KAZN: variants seen among roughly 807,000 people sequenced by gnomAD.
KAZN encodes the protein kazrin, periplakin interacting protein, also known as kazrin.
KAZN carries 40 observed loss-of-function variants against 87.4 expected under a neutral mutation model. The observed-to-expected ratio is 0.46, with a 90% CI of 0.36 to 0.60. The LOEUF (loss-of-function observed/expected upper bound fraction) is 0.60. Among genes scored for constraint, KAZN ranks in the 20% least tolerant of loss-of-function variants. KAZN has a pLI of 0.00. For synonymous variants in KAZN, 466 were observed against 458.3 expected, an observed-to-expected ratio of 1.02 and a Z score of -0.22; for missense variants, 898 against 1,073.9, an observed-to-expected ratio of 0.84 and a Z score of 2.29.
intron 4 of KAZN, among the ~76,000 whole-genome samples, chr1:15,053,928 C>G (rs1286571061): frequency 6.6e-6 from 1 of 152,210 alleles, no homozygotes; most frequent in African/African-American, 2.4e-5. Context: ...ATTTCACAGA[C>G]TTCTAGGATG....
At chr1:14,219,055 C>T (rs1018428152) in intron 2 of KAZN, among the ~76,000 whole-genome samples, 3 of 151,936 alleles carry the variant, frequency 2.0e-5, no homozygotes, top group African/African-American at 7.3e-5. Flanking sequence ...TCAGCAAAAT[C>T]CAGATAGTAA....
chr1:13,978,103 G>C (rs980804230), intron 1 of KAZN, among the ~76,000 whole-genome samples: 1 of 147,374 alleles, frequency 6.8e-6, no homozygotes, highest in South Asian at 2.2e-4. Flanking sequence ...ACTCCAGCCC[G>C]GGTGACAGAG....
chr1:14,385,421 AT>A (rs1226122824), intron 2 of KAZN, among the ~76,000 whole-genome samples: 1 of 151,628 alleles, frequency 6.6e-6, no homozygotes, highest in African/African-American at 2.4e-5. Context: ...TCAATTTTGG[AT>A]CTTTCCTGCT....
intron 1 of KAZN, among the ~76,000 whole-genome samples, chr1:14,147,299 G>T (rs182155697): frequency 6.0e-4 from 91 of 152,272 alleles, no homozygotes; most frequent in African/African-American, 2.0e-3. Context: ...TGTTGTTCAA[G>T]GGTCAACTGT....
intron 2 of KAZN, among the ~76,000 whole-genome samples, chr1:14,592,224 G>T (rs1419546730): frequency 6.6e-6 from 1 of 152,220 alleles, no homozygotes; most frequent in East Asian, 1.9e-4. Context: ...CTCCGTCTGT[G>T]GAGAGGGAGG....
intron 1 of KAZN, among the ~76,000 whole-genome samples, chr1:14,050,897 A>G (rs726595): frequency 0.56 from 84,856 of 152,096 alleles, 23,980 homozygotes; most frequent in East Asian, 0.7. Context: ...AAAATCCATA[A>G]CATGTATTAT....
intron 1 of KAZN, among the ~76,000 whole-genome samples, chr1:14,945,692 C>T (rs1661682962): frequency 1.3e-5 from 2 of 152,224 alleles, no homozygotes; most frequent in South Asian, 4.1e-4. Context: ...GTATGCAAAG[C>T]ATATTTTATT....
At chr1:15,019,902 T>A (rs563676312) in intron 2 of KAZN, among the ~76,000 whole-genome samples, 1 of 152,314 alleles carries the variant, frequency 6.6e-6, no homozygotes, top group African/African-American at 2.4e-5. Flanking sequence ...CCACCTTTCA[T>A]CATGCCAAGT....
At chr1:15,050,083 C>G (rs12757155) in intron 4 of KAZN, among the ~76,000 whole-genome samples, 8,664 of 88,706 alleles carry the variant, frequency 0.098, 438 homozygotes, top group African/African-American at 0.21. Flanking sequence ...GAGTAGAGTA[C>G]AGTAGAGTAC....
At chr1:14,178,049 G>A (rs1646122356) in intron 1 of KAZN, among the ~76,000 whole-genome samples, 1 of 152,076 alleles carries the variant, frequency 6.6e-6, no homozygotes, top group Non-Finnish European at 1.5e-5. Flanking sequence ...TTACCTCCAT[G>A]CTGTTCTTAT....
chr1:13,936,193 T>C (rs2100953247), intron 1 of KAZN, among the ~76,000 whole-genome samples: 1 of 147,052 alleles, frequency 6.8e-6, no homozygotes, highest in East Asian at 2.2e-4. Context: ...GCCTCCCAGG[T>C]TCAAGCGATT....
intron 1 of KAZN, among the ~76,000 whole-genome samples, chr1:14,921,392 T>C (rs768790390): frequency 1.3e-5 from 2 of 152,236 alleles, no homozygotes; most frequent in Non-Finnish European, 2.9e-5. Flanking sequence ...TAGATATGTT[T>C]ACTTTCTTCT....
At chr1:13,989,227 T>C (rs1162830814) in intron 1 of KAZN, among the ~76,000 whole-genome samples, 1 of 152,122 alleles carries the variant, frequency 6.6e-6, no homozygotes, top group Non-Finnish European at 1.5e-5. Context: ...TGCATGGGGA[T>C]ATTATGTTTC....
intron 8 of KAZN, among the ~76,000 whole-genome samples, chr1:15,083,682 C>T (rs752897128): frequency 6.6e-6 from 1 of 151,556 alleles, no homozygotes; most frequent in Non-Finnish European, 1.5e-5. Context: ...AGGCCTGTCT[C>T]TCTGTCTCTC....
chr1:14,000,153 T>C (rs867691038), intron 1 of KAZN, among the ~76,000 whole-genome samples: 1 of 152,204 alleles, frequency 6.6e-6, no homozygotes, highest in Non-Finnish European at 1.5e-5. Flanking sequence ...CTTCTGAAAC[T>C]ATTCCAAAGA....
chr1:15,069,490 G>A (rs757964137), intron 8 of KAZN, among the ~76,000 whole-genome samples: 11 of 152,130 alleles, frequency 7.2e-5, no homozygotes, highest in East Asian at 1.9e-4. Flanking sequence ...AAAAGCCACC[G>A]TACCTCCTTT....
At chr1:14,684,199 A>G (rs1640831172) in intron 1 of KAZN, among the ~76,000 whole-genome samples, 1 of 151,826 alleles carries the variant, frequency 6.6e-6, no homozygotes, top group African/African-American at 2.4e-5. Flanking sequence ...GACATTGTAG[A>G]CTCCAGGAAT....
At chr1:14,022,507 A>G (rs900567860) in intron 1 of KAZN, among the ~76,000 whole-genome samples, 58 of 87,248 alleles carry the variant, frequency 6.6e-4, no homozygotes, top group Non-Finnish European at 9.9e-4. Context: ...AAAAAAAAAA[A>G]AAAAAAAGAA....
chr1:14,299,191 A>C (rs1257116439), intron 2 of KAZN, among the ~76,000 whole-genome samples: 1 of 152,182 alleles, frequency 6.6e-6, no homozygotes, highest in Non-Finnish European at 1.5e-5. Flanking sequence ...GGAAACAGAT[A>C]AGAAACGAAA....
Sources: allele counts gnomAD v4.1 joint callset (sites outside exome capture counted in the v4.1 genomes callset), GRCh38; gene constraint gnomAD v4.1.1; transcripts MANE v1.5; gene names NCBI Gene and HGNC (gene_info 2026-07-23, HGNC 2026-07-21).